The following HSPA4L variants were observed in gnomAD, a reference collection of about 807,000 sequenced individuals.
HSPA4L encodes the protein heat shock protein family A (Hsp70) member 4 like.
A neutral mutation model predicts 100.3 loss-of-function variants in HSPA4L; 48 were observed. The observed-to-expected ratio is 0.48, with a 90% confidence interval of 0.38 to 0.61. The LOEUF is 0.61. Ranked by LOEUF, HSPA4L falls within the 20% of genes least tolerant of loss-of-function variation. The probability of loss-of-function intolerance (pLI) is 0.00; values close to 1 mark genes in which losing one functional copy is unlikely to be tolerated. For synonymous variants in HSPA4L, 319 were observed against 328.2 expected, an observed-to-expected ratio of 0.97 and a Z score of 0.30; for missense variants, 886 against 988.6, an observed-to-expected ratio of 0.90 and a Z score of 1.39.
At chr4:127,815,492 A>C (rs1300276251) in intron 12 of HSPA4L, among the ~76,000 whole-genome samples, 1 of 138,274 alleles carries the variant, frequency 7.2e-6, no homozygotes, top group Non-Finnish European at 1.5e-5. Flanking sequence ...CATAGTCTGC[A>C]AAAAAAAAAA....
intron 6 of HSPA4L, among the ~76,000 whole-genome samples, chr4:127,802,191 G>A (rs1465072420): frequency 6.6e-6 from 1 of 152,000 alleles, no homozygotes; most frequent in Non-Finnish European, 1.5e-5. Context: ...TTTTATTGTT[G>A]TTTCTATTGT....
chr4:127,814,978 C>G (rs1448412630), intron 12 of HSPA4L, among the ~76,000 whole-genome samples: 1 of 152,092 alleles, frequency 6.6e-6, no homozygotes, highest in Non-Finnish European at 1.5e-5. Context: ...AAAAAGTGAA[C>G]CAATTCAAAG....
At chr4:127,822,731 A>G (rs751660833) in intron 14 of HSPA4L, 38 bp from the exon 15 acceptor site, 2 of 1,605,306 alleles carry the variant, frequency 1.2e-6, no homozygotes, top group Non-Finnish European at 1.7e-6. Context: ...TCCCTAATGC[A>G]TATTCTTATG....
At chr4:127,783,662 T>C in intron 1 of HSPA4L, 4 of 1,535,658 alleles carry the variant, frequency 2.6e-6, no homozygotes, top group Non-Finnish European at 3.5e-6. Flanking sequence ...ATGAAACCTA[T>C]ATTACTTTTT....
At chr4:127,812,785 T>A in intron 12 of HSPA4L, 1 of 1,468,836 alleles carries the variant, frequency 6.8e-7, no homozygotes, top group Non-Finnish European at 9.5e-7. Flanking sequence ...TCTCACAAAG[T>A]GTGCTGCTCT....
chr4:127,821,580 AC>A (rs1733815297), intron 14 of HSPA4L, among the ~76,000 whole-genome samples: 1 of 152,138 alleles, frequency 6.6e-6, no homozygotes, highest in Admixed American at 6.6e-5. Flanking sequence ...CTGTTAGAGA[AC>A]TACATTTCAC....
chr4:127,786,664 G>A (rs984870046), intron 1 of HSPA4L, among the ~76,000 whole-genome samples: 2 of 152,112 alleles, frequency 1.3e-5, no homozygotes, highest in Admixed American at 1.3e-4. Flanking sequence ...ACAAGGTCTT[G>A]CCATATTGCC....
intron 7 of HSPA4L, 54 bp from the exon 8 acceptor site, chr4:127,803,957 G>A: frequency 6.2e-7 from 1 of 1,608,204 alleles, no homozygotes. Context: ...TGTTTTAGAA[G>A]ATACGCTCAA....
chr4:127,820,346 T>C (rs1733774867), intron 13 of HSPA4L, 82 bp from the exon 14 acceptor site: 1 of 1,189,486 alleles, frequency 8.4e-7, no homozygotes, highest in Non-Finnish European at 1.2e-6. Context: ...TCATAATCGT[T>C]TTGATTTTAC....
Position 127,782,544 on chromosome 4 carries a change from C to G in HSPA4L, c.-7C>G. On this transcript the variant is annotated 5_prime_UTR_variant, in exon 1 of 19. Transcript: ENST00000296464. ...CAGTACCAGCAGCCCGACCATCACG[C>G]GGCGGGATGTCTGTGGTTGGCATTG... 1 of 1,612,076 alleles carries G rather than the reference C, an allele frequency of 6.2e-7. No homozygotes were observed. The highest frequency in any genetic ancestry group is 1.1e-5 in the South Asian group (1 of 90,992).
chr4:127,827,320 AT>A lies in HSPA4L; in HGVS notation c.2064del (p.Gln689LysfsTer2). On this transcript the variant is annotated frameshift_variant, in exon 17 of 19. Transcript: ENST00000296464. LOFTEE classifies it high-confidence loss of function. Reference protein sequence around the residue: ...LQELKKYGQPIQMKYMEHEER... With the variant: ...LQELKKYGQPXQMKYMEHEER... ...ATGTTAACAGAAATACGGCCAGCCT[AT>A]TCAAATGAAGTACATGGAGCATGAA... 1 of 1,612,132 alleles carries A rather than the reference AT, an allele frequency of 6.2e-7. No individual in the cohort carries two copies.
At chr4:127,796,198 A>G (rs1733017630) in intron 3 of HSPA4L, among the ~76,000 whole-genome samples, 1 of 152,140 alleles carries the variant, frequency 6.6e-6, no homozygotes, top group Non-Finnish European at 1.5e-5. Context: ...AATAGACCCA[A>G]AAAGTATGTT....
chr4:127,789,548 T>G (rs1056024044), intron 1 of HSPA4L, among the ~76,000 whole-genome samples: 1 of 151,900 alleles, frequency 6.6e-6, no homozygotes, highest in Non-Finnish European at 1.5e-5. Context: ...CTCGGGAGGC[T>G]GAGGCAGGAG....
At chr4:127,819,927 A>G (rs1733764722) in intron 13 of HSPA4L, among the ~76,000 whole-genome samples, 1 of 152,116 alleles carries the variant, frequency 6.6e-6, no homozygotes, top group African/African-American at 2.4e-5. Flanking sequence ...GTTATGAACA[A>G]TCATGTATAA....
At chr4:127,789,756 G>A (rs1236748047) in intron 1 of HSPA4L, among the ~76,000 whole-genome samples, 1 of 152,034 alleles carries the variant, frequency 6.6e-6, no homozygotes, top group African/African-American at 2.4e-5. Flanking sequence ...GTATACACTT[G>A]GATAAACTGT....
intron 1 of HSPA4L, chr4:127,783,713 TG>T: frequency 6.6e-7 from 1 of 1,513,442 alleles, no homozygotes; most frequent in Non-Finnish European, 8.9e-7. Context: ...CCGTTCTGAA[TG>T]GTCCAAAATA....
intron 16 of HSPA4L, among the ~76,000 whole-genome samples, chr4:127,826,217 G>C (rs1317352900): frequency 6.6e-6 from 1 of 152,066 alleles, no homozygotes; most frequent in Non-Finnish European, 1.5e-5. Context: ...GACCAGCCTT[G>C]AGCAACAAAG....
Position 127,801,995 on chromosome 4 carries a change from T to C in HSPA4L, c.663+77T>C, listed in dbSNP as rs1042541929. 16 of 1,179,066 alleles carry C rather than the reference T, an allele frequency of 1.4e-5. No homozygotes were observed. In the African/African-American group the frequency reaches 2.5e-4, roughly 18 times the overall value. The allele number at this position is 1,179,066 out of a possible 1,614,324, so 73.0% of individuals were successfully genotyped here. On this transcript the variant is annotated intron_variant, in intron 6 of 18. Transcript: ENST00000296464. ...AAGAACCGTAATAGCTGGGTTCGAA[T>C]CCTGGCTCTGCCCCTTAAACTATGA...
In HSPA4L at chr4:127,832,838, G is replaced by A. The variant is rs1734119833; in HGVS notation, c.2484G>A (p.Gln828=). The part of the protein sequence containing the change: ...TKSDSTKDSS[Q]HTKSSGEMEV... ...CAGATTCAACAAAAGACAGCTCACA[G>A]CATACTAAATCCTCTGGAGAGATGG... Residue 828 remains glutamine, a synonymous_variant, in exon 19 of 19, where the codon CAG becomes CAA. Coordinates refer to ENST00000296464, the MANE Select transcript of HSPA4L (RefSeq NM_014278.4). 1 of 1,611,976 alleles carries A rather than the reference G, an allele frequency of 6.2e-7. No individual in the cohort carries two copies. Among genetic ancestry groups the A allele is most frequent in the Admixed American group, 1.7e-5 (1 of 59,714 alleles).
Sources: allele counts gnomAD v4.1 joint callset (sites outside exome capture counted in the v4.1 genomes callset), GRCh38; gene constraint gnomAD v4.1.1; transcripts MANE v1.5; gene names NCBI Gene and HGNC (gene_info 2026-07-23, HGNC 2026-07-21).